The following PDE4D variants were observed in gnomAD, a reference collection of about 807,000 sequenced individuals.
PDE4D encodes 3',5'-cyclic-AMP phosphodiesterase 4D.
In PDE4D, 24 loss-of-function variants were observed where a neutral mutation model predicts 87.4. The ratio of observed to expected loss-of-function variants is 0.27; its 90% CI spans 0.20 to 0.39. The LOEUF (loss-of-function observed/expected upper bound fraction) is 0.39. PDE4D is among the 10% of genes least tolerant of loss of function. The probability of loss-of-function intolerance (pLI) is 1.00; values close to 1 mark genes in which losing one functional copy is unlikely to be tolerated. For synonymous variants in PDE4D, 384 were observed against 383.2 expected (o/e 1.00, Z -0.02); for missense variants, 714 against 1,041.0 (o/e 0.69, Z 4.32).
intron 1 of PDE4D, among the ~76,000 whole-genome samples, chr5:59,237,941 A>G (rs562539912): frequency 5.3e-5 from 8 of 152,162 alleles, no homozygotes; most frequent in African/African-American, 1.4e-4. Flanking sequence ...ATTGCATCTG[A>G]ATTTTATGCA....
chr5:59,436,164 A>G (rs1411011895), intron 1 of PDE4D, among the ~76,000 whole-genome samples: 1 of 152,102 alleles, frequency 6.6e-6, no homozygotes, highest in Non-Finnish European at 1.5e-5. Flanking sequence ...TTGTTAATCT[A>G]CTCTTAAACA....
intron 1 of PDE4D, among the ~76,000 whole-genome samples, chr5:59,237,412 C>A (rs1756677446): frequency 6.6e-6 from 1 of 152,076 alleles, no homozygotes; most frequent in Non-Finnish European, 1.5e-5. Flanking sequence ...CATAACATTT[C>A]TGTTAAATAA....
chr5:60,289,774 T>C (rs1024682554), intron 1 of PDE4D, among the ~76,000 whole-genome samples: 2 of 152,220 alleles, frequency 1.3e-5, no homozygotes, highest in Non-Finnish European at 2.9e-5. Context: ...CAATTTGTTC[T>C]GTTTTATAGA....
At chr5:60,392,415 G>A (rs913207102) in intron 1 of PDE4D, among the ~76,000 whole-genome samples, 1 of 152,040 alleles carries the variant, frequency 6.6e-6, no homozygotes, top group Non-Finnish European at 1.5e-5. Flanking sequence ...TCAGAAAAAC[G>A]ACATTGAGAA....
chr5:59,514,228 C>T (rs1211744891), intron 1 of PDE4D, among the ~76,000 whole-genome samples: 1 of 151,880 alleles, frequency 6.6e-6, no homozygotes, highest in African/African-American at 2.4e-5. Context: ...GCCTCAGCCT[C>T]CCGAGTAGCT....
intron 1 of PDE4D, among the ~76,000 whole-genome samples, chr5:59,595,636 TG>T (rs1826564517): frequency 6.6e-6 from 1 of 152,162 alleles, no homozygotes; most frequent in African/African-American, 2.4e-5. Context: ...ACAGGTTTAC[TG>T]GGGAAGGCAG....
chr5:59,174,251 G>T (rs13361218), intron 5 of PDE4D: 109,075 of 152,060 alleles, frequency 0.72, 39,377 homozygotes, highest in African/African-American at 0.75. Flanking sequence ...AATTTTCTAC[G>T]TGCCAATTGA....
At chr5:60,384,750 C>T (rs773216846) in intron 1 of PDE4D, among the ~76,000 whole-genome samples, 2 of 152,196 alleles carry the variant, frequency 1.3e-5, no homozygotes, top group Non-Finnish European at 2.9e-5. Context: ...ACACCCACTT[C>T]TTCTACTACT....
At chr5:59,039,617 G>T in intron 5 of PDE4D, 1 of 611,844 alleles carries the variant, frequency 1.6e-6, no homozygotes, top group Non-Finnish European at 2.0e-6. Flanking sequence ...GGCCCTCGGC[G>T]CTGCCTGGCT....
chr5:60,292,011 T>C (rs1466786823), intron 1 of PDE4D, among the ~76,000 whole-genome samples: 2 of 152,144 alleles, frequency 1.3e-5, no homozygotes, highest in African/African-American at 4.8e-5. Flanking sequence ...TAGGGAAACA[T>C]TCCTGTTAAG....
intron 2 of PDE4D, among the ~76,000 whole-genome samples, chr5:60,019,897 T>A (rs188717160): frequency 1.3e-5 from 2 of 152,274 alleles, no homozygotes; most frequent in South Asian, 2.1e-4. Flanking sequence ...ACTTTTATTT[T>A]TTTTTTTTGC....
chr5:59,610,770 T>C (rs752152826), intron 1 of PDE4D, among the ~76,000 whole-genome samples: 1 of 152,144 alleles, frequency 6.6e-6, no homozygotes, highest in Admixed American at 6.6e-5. Flanking sequence ...GGAGACTACA[T>C]GAGGTTTTGA....
chr5:59,134,065 T>G (rs1176007367), intron 5 of PDE4D, among the ~76,000 whole-genome samples: 1 of 151,004 alleles, frequency 6.6e-6, no homozygotes, highest in Non-Finnish European at 1.5e-5. Context: ...GTTTCTCTTC[T>G]TCCCTACTGC....
intron 2 of PDE4D, among the ~76,000 whole-genome samples, chr5:60,092,648 T>C (rs1308630166): frequency 6.6e-6 from 1 of 151,364 alleles, no homozygotes; most frequent in Non-Finnish European, 1.5e-5. Flanking sequence ...AAAAAAACAC[T>C]CTGAACACTC....
chr5:60,234,350 A>C (rs1698352894), intron 1 of PDE4D, among the ~76,000 whole-genome samples: 1 of 151,752 alleles, frequency 6.6e-6, no homozygotes, highest in Non-Finnish European at 1.5e-5. Flanking sequence ...TCACTTGTTG[A>C]TAGGCATTTG....
chr5:60,371,159 T>C (rs138786436), intron 1 of PDE4D, among the ~76,000 whole-genome samples: 58 of 152,350 alleles, frequency 3.8e-4, no homozygotes, highest in Admixed American at 7.2e-4. Context: ...CAGGATCTAC[T>C]CTGTATCCAC....
chr5:60,238,600 T>C (rs1746696399), intron 1 of PDE4D, among the ~76,000 whole-genome samples: 1 of 152,018 alleles, frequency 6.6e-6, no homozygotes, highest in African/African-American at 2.4e-5. Flanking sequence ...TGCATTTACT[T>C]GATTACTAGT....
chr5:59,446,267 T>C (rs1798329437), intron 1 of PDE4D, among the ~76,000 whole-genome samples: 1 of 152,136 alleles, frequency 6.6e-6, no homozygotes, highest in Non-Finnish European at 1.5e-5. Context: ...CTTATAAGTG[T>C]TACCTATATA....
chr5:60,148,425 A>G (rs1355025706), intron 2 of PDE4D, among the ~76,000 whole-genome samples: 3 of 152,228 alleles, frequency 2.0e-5, no homozygotes, highest in African/African-American at 4.8e-5. Context: ...GCAGTATTCT[A>G]GAGATAAAGT....
Sources: allele counts gnomAD v4.1 joint callset (sites outside exome capture counted in the v4.1 genomes callset), GRCh38; gene constraint gnomAD v4.1.1; transcripts MANE v1.5; gene names NCBI Gene and HGNC (gene_info 2026-07-23, HGNC 2026-07-21).